IPO11: variants seen among roughly 807,000 people sequenced by gnomAD.
IPO11 encodes the protein importin-11.
IPO11 carries 66 observed loss-of-function variants against 143.2 expected under a neutral mutation model. The ratio of observed to expected loss-of-function variants is 0.46; its 90% CI spans 0.38 to 0.57. The LOEUF is 0.57. IPO11 is among the 20% of genes least tolerant of loss of function. The pLI is 0.00. For missense variants in IPO11, 1,026 were observed against 1,141.0 expected (o/e 0.90, Z 1.45); for synonymous variants, 385 against 377.8 (o/e 1.02, Z -0.22).
In IPO11 at chr5:62,601,834, A is replaced by G; in HGVS notation, c.2749A>G (p.Lys917Glu). Residue 917 changes from lysine to glutamate, a missense_variant, in exon 29 of 30, where the codon AAG (lysine) becomes GAG (glutamate). By Grantham distance (56) the Lys-to-Glu change is moderately conservative (BLOSUM62 1). Coordinates refer to ENST00000325324, the MANE Select transcript of IPO11 (RefSeq NM_016338.5). ...EDEEPPTEQD[K>E]RKKMLALKDP... is the part of the protein sequence containing the mutation. Reference sequence around the variant, plus strand: ...TGAAGAACCACCCACAGAACAAGATAAGAGGAAAAAGATGGTAAGTTATAA... The same window carrying G: ...TGAAGAACCACCCACAGAACAAGATGAGAGGAAAAAGATGGTAAGTTATAA... The G allele has an allele frequency of 6.3e-7, 1 of 1,583,318 alleles. No individual in the cohort carries two copies. Among genetic ancestry groups the G allele is most frequent in the Non-Finnish European group, 8.6e-7 (1 of 1,165,318 alleles).
In IPO11 at chr5:62,437,340, G is replaced by A. The variant is rs1255472573; in HGVS notation, c.61G>A (p.Asp21Asn). Residue 21 changes from aspartate to asparagine, a missense_variant, in exon 2 of 30, where the codon GAT becomes AAT. By Grantham distance (23) the Asp-to-Asn change is conservative. This residue lies in a region of IPO11 where 429 missense variants were observed against 456.3 expected (regional missense o/e 0.94). Transcript: ENST00000325324. ...LQVLTQATSQ[D>N]TAVLKPAEEQ... Reference sequence around the variant, plus strand: ...GGTGTTAACACAGGCCACCAGTCAGGATACTGCTGTGTTAAAACCAGCTGA... The same window carrying A: ...GGTGTTAACACAGGCCACCAGTCAGAATACTGCTGTGTTAAAACCAGCTGA... 1 of 1,612,846 alleles carries A rather than the reference G, an allele frequency of 6.2e-7. No individual in the cohort carries two copies. Among genetic ancestry groups the A allele is most frequent in the Admixed American group, 1.7e-5 (1 of 59,940 alleles).
At chr5:62,624,048 T>G (rs1746469674) in intron 29 of IPO11, among the ~76,000 whole-genome samples, 1 of 151,878 alleles carries the variant, frequency 6.6e-6, no homozygotes, top group Non-Finnish European at 1.5e-5. Context: ...GTTTTGTTTT[T>G]TTTGAGACAG....
At position 62,437,529 on chromosome 5, in the gene IPO11, G is replaced by A. The variant is rs1028605129; in HGVS notation, c.138+112G>A. ...TTAGTGAAATAGATTCAGATGTTTG[G>A]CTGCTGATGCCTTTGCCATTATCTT... On this transcript the variant is annotated intron_variant, in intron 2 of 29. Coordinates refer to ENST00000325324, the MANE Select transcript of IPO11 (RefSeq NM_016338.5). The A allele has an allele frequency of 7.2e-5, 56 of 780,828 alleles. No homozygotes were observed. In the African/African-American group the frequency reaches 7.7e-4, roughly 11 times the overall value. The allele number at this position is 780,828 out of a possible 1,614,324, so 48.4% of individuals were successfully genotyped here. A position where few individuals can be genotyped will look rare whatever the true frequency, so the allele number is the denominator to read the frequency against.
intron 20 of IPO11, among the ~76,000 whole-genome samples, chr5:62,516,480 G>C (rs1742025555): frequency 1.3e-5 from 2 of 151,988 alleles, no homozygotes; most frequent in South Asian, 4.1e-4. Flanking sequence ...TTTTAGTAGA[G>C]ATGGTGTTTC....
At chr5:62,466,403 A>G (rs941172989) in intron 5 of IPO11, among the ~76,000 whole-genome samples, 2 of 152,232 alleles carry the variant, frequency 1.3e-5, no homozygotes, top group African/African-American at 4.8e-5. Flanking sequence ...AGATGCTTAT[A>G]TCTTGAGTAA....
chr5:62,483,676 C>T (rs200683956), intron 10 of IPO11, among the ~76,000 whole-genome samples: 1 of 151,888 alleles, frequency 6.6e-6, no homozygotes, highest in African/African-American at 2.4e-5. Context: ...CATTCATATG[C>T]GTGTGTGCCA....
intron 27 of IPO11, among the ~76,000 whole-genome samples, chr5:62,567,759 G>A (rs1389078192): frequency 6.6e-6 from 1 of 151,204 alleles, no homozygotes; most frequent in Non-Finnish European, 1.5e-5. Context: ...ACACGGTTTA[G>A]CCATGTTGGT....
chr5:62,622,952 T>C (rs946156727), intron 29 of IPO11, among the ~76,000 whole-genome samples: 5 of 152,160 alleles, frequency 3.3e-5, no homozygotes, highest in African/African-American at 1.2e-4. Flanking sequence ...GGTTTTACAG[T>C]GGGTATAGTT....
intron 27 of IPO11, among the ~76,000 whole-genome samples, chr5:62,588,947 AC>A (rs1360422881): frequency 2.0e-5 from 3 of 151,868 alleles, no homozygotes; most frequent in Non-Finnish European, 4.4e-5. Flanking sequence ...ACATAACCTC[AC>A]CTTCTAATTC....
intron 27 of IPO11, among the ~76,000 whole-genome samples, chr5:62,578,458 T>C (rs1744405680): frequency 6.6e-6 from 1 of 152,112 alleles, no homozygotes; most frequent in African/African-American, 2.4e-5. Flanking sequence ...ATATACATCT[T>C]ATTTGAACTA....
At chr5:62,542,645 A>G (rs2112333447) in intron 24 of IPO11, among the ~76,000 whole-genome samples, 1 of 152,282 alleles carries the variant, frequency 6.6e-6, no homozygotes, top group East Asian at 1.9e-4. Flanking sequence ...GGAAAATTGG[A>G]TAGAGAGACC....
rs768378351 is a variant in IPO11 at position 62,493,982 on chromosome 5, A to T, written c.1464-16A>T. ...AAATATTTAACATTTTAATTTCATG[A>T]TTTTTTCCTGTTTAGGTATAAGCCA... On this transcript the variant is annotated splice_polypyrimidine_tract_variant and intron_variant, in intron 15 of 29. Coordinates refer to ENST00000325324, the MANE Select transcript of IPO11 (RefSeq NM_016338.5). 3 of 1,591,490 alleles carry T rather than the reference A, an allele frequency of 1.9e-6. No homozygotes were observed. In the South Asian group the frequency reaches 3.5e-5, roughly 19 times the overall value.
At chr5:62,568,738 G>A (rs1744041095) in intron 27 of IPO11, among the ~76,000 whole-genome samples, 1 of 152,086 alleles carries the variant, frequency 6.6e-6, no homozygotes, top group South Asian at 2.1e-4. Flanking sequence ...ATAGATCACT[G>A]ATGCATTATT....
At chr5:62,505,948 A>G (rs1741542010) in intron 18 of IPO11, among the ~76,000 whole-genome samples, 1 of 152,120 alleles carries the variant, frequency 6.6e-6, no homozygotes, top group African/African-American at 2.4e-5. Context: ...ACAGTATAAA[A>G]TTTAAACAGA....
In IPO11 at chr5:62,484,031, A is replaced by C; in HGVS notation, c.1043A>C (p.Glu348Ala). The change falls in exon 11 of 30, where the codon GAA (glutamate) becomes GCA (alanine). Residue 348 changes from glutamate (E) to alanine (A), a missense_variant. Physicochemically the swap from Glu to Ala is moderately radical, Grantham distance 107. Transcript: ENST00000325324. Reference sequence around the variant, plus strand: ...CTAGATAGCAGCCCTGAAACTCTTGAAGCCCATAAGATTAAGATGGCATTC... The same window carrying C: ...CTAGATAGCAGCCCTGAAACTCTTGCAGCCCATAAGATTAAGATGGCATTC... The part of the protein sequence containing the change: ...NFEDSSPETL[E>A]AHKIKMAFFT... The C allele has an allele frequency of 6.2e-7, 1 of 1,605,904 alleles. No homozygotes were observed. Among genetic ancestry groups the C allele is most frequent in the Non-Finnish European group, 8.5e-7 (1 of 1,177,620 alleles).
At chr5:62,484,266 C>T (rs1264615869) in intron 11 of IPO11, 104 bp downstream of exon 11, 1 of 928,630 alleles carries the variant, frequency 1.1e-6, no homozygotes, top group South Asian at 2.7e-5. Context: ...CACTTTTGAT[C>T]TGGAAATCTT....
intron 3 of IPO11, among the ~76,000 whole-genome samples, chr5:62,444,982 A>G (rs780921155): frequency 2.3e-4 from 35 of 151,814 alleles, no homozygotes; most frequent in Admixed American, 5.3e-4. Context: ...TTCATGTTGT[A>G]CTTTTACATA....
chr5:62,600,266 G>A (rs920479361), intron 28 of IPO11, among the ~76,000 whole-genome samples: 19 of 152,054 alleles, frequency 1.2e-4, no homozygotes, highest in Admixed American at 7.2e-4. Context: ...GGTTGGTCTC[G>A]AGCTTCTGAC....
At chr5:62,443,590 C>G (rs929136286) in intron 3 of IPO11, among the ~76,000 whole-genome samples, 2 of 151,150 alleles carry the variant, frequency 1.3e-5, no homozygotes, top group African/African-American at 4.9e-5. Flanking sequence ...TGGAGAGACC[C>G]CATCTCAAGA....
Sources: gnomAD v4.1 joint callset for allele counts (sites outside exome capture counted in the v4.1 genomes callset) on GRCh38, gnomAD v4.1.1 for gene constraint, gnomAD v4.1.1 regional missense constraint, MANE v1.5 for transcripts, NCBI Gene and HGNC (gene_info 2026-07-23, HGNC 2026-07-21) for gene names.